The following FOCAD variants were observed in gnomAD, a reference collection of about 807,000 sequenced individuals.
The protein encoded by FOCAD is focadhesin.
A neutral mutation model predicts 225.6 loss-of-function variants in FOCAD; 198 were observed. The ratio of observed to expected loss-of-function variants is 0.88; its 90% CI spans 0.78 to 0.99. The LOEUF (loss-of-function observed/expected upper bound fraction) is 0.99, where lower values mean the gene tolerates loss of function less well. Among genes scored for constraint, FOCAD ranks in the 50% least tolerant of loss-of-function variants. FOCAD has a pLI of 0.00. For synonymous variants in FOCAD, 897 were observed against 755.0 expected (o/e 1.19, Z -3.08); for missense variants, 2,713 against 2,123.6 (o/e 1.28, Z -5.46).
In FOCAD at chr9:20,893,651, A is replaced by C. The variant is rs530041145; in HGVS notation, c.2625+8421A>C. Reference sequence around the variant, plus strand: ...AGTGAGCGAGTGAATAAATGGCTAAAAGAACTTTATTTTGAATTTAGATGT... The same window carrying C: ...AGTGAGCGAGTGAATAAATGGCTAACAGAACTTTATTTTGAATTTAGATGT... On this transcript the variant is annotated intron_variant, in intron 21 of 43. Coordinates refer to ENST00000338382, the MANE Select transcript of FOCAD (RefSeq NM_001375567.1). Among the ~76,000 whole-genome samples, 6 of 152,236 alleles carry C rather than the reference A, an allele frequency of 3.9e-5. No homozygotes were observed. The East Asian group carries it at 1.2e-3, about 29-fold the overall frequency.
rs1307334345 is a variant in FOCAD at position 20,795,776 on chromosome 9, T to C, written c.1455+6168T>C. Reference sequence around the variant, plus strand: ...TCCAGGCTGGGGGACAGAGCAAGACTCTGTCTCGAAAAAAAAAAAAAAAAA... The same window carrying C: ...TCCAGGCTGGGGGACAGAGCAAGACCCTGTCTCGAAAAAAAAAAAAAAAAA... On this transcript the variant is annotated intron_variant, in intron 11 of 43. Transcript: ENST00000338382. Among the ~76,000 whole-genome samples, 11 of 87,310 alleles carry C rather than the reference T, an allele frequency of 1.3e-4. 1 individual carries two copies. In the South Asian group the frequency reaches 1.5e-3, roughly 12 times the overall value. 57.3% of individuals were successfully genotyped at this position (87,310 alleles called of 152,430 possible).
chr9:20,784,476 C>G (rs781590201), intron 10 of FOCAD, among the ~76,000 whole-genome samples: 1 of 152,008 alleles, frequency 6.6e-6, no homozygotes, highest in Non-Finnish European at 1.5e-5. Flanking sequence ...AAGAAAGAAT[C>G]GGAAAAGTTT....
chr9:20,705,741 C>G (rs1044783116), intron 1 of FOCAD, among the ~76,000 whole-genome samples: 2 of 150,560 alleles, frequency 1.3e-5, no homozygotes, highest in African/African-American at 4.9e-5. Context: ...AAAAAGTCAA[C>G]TTTGAAGATT....
chr9:20,716,597 A>G (rs188440378), intron 2 of FOCAD, among the ~76,000 whole-genome samples: 1 of 152,082 alleles, frequency 6.6e-6, no homozygotes, highest in African/African-American at 2.4e-5. Flanking sequence ...CTTTGTCCCT[A>G]TTGTGTTTCA....
intron 23 of FOCAD, among the ~76,000 whole-genome samples, chr9:20,915,154 G>T (rs1017580594): frequency 6.6e-6 from 1 of 152,150 alleles, no homozygotes; most frequent in African/African-American, 2.4e-5. Context: ...TAGCAAGCAG[G>T]TTGTTGACTA....
intron 15 of FOCAD, among the ~76,000 whole-genome samples, chr9:20,861,562 C>T (rs1828773197): frequency 6.6e-6 from 1 of 152,146 alleles, no homozygotes; most frequent in South Asian, 2.1e-4. Flanking sequence ...CAAGTTTTCT[C>T]AGAAATACTC....
intron 21 of FOCAD, among the ~76,000 whole-genome samples, chr9:20,895,648 G>T (rs1208999667): frequency 1.3e-5 from 2 of 151,738 alleles, no homozygotes; most frequent in African/African-American, 4.8e-5. Flanking sequence ...AAACGCTATT[G>T]TGTTTTTAAT....
At position 20,923,657 on chromosome 9, in the gene FOCAD, C is replaced by G. The variant is rs747025422; in HGVS notation, c.2853-3C>G. On this transcript the variant is annotated splice_polypyrimidine_tract_variant and splice_region_variant and intron_variant, in intron 24 of 43. Coordinates refer to ENST00000338382, the MANE Select transcript of FOCAD (RefSeq NM_001375567.1). ...CTGTTGAAATTTTTTTCCTTTTGAA[C>G]AGGGAGAGTCCGGTAGTGAAAGGCA... is the stretch of plus-strand genomic sequence containing the variant. 3 of 1,612,574 alleles carry G rather than the reference C, an allele frequency of 1.9e-6. No homozygotes were observed. Among genetic ancestry groups the G allele is most frequent in the Non-Finnish European group, 2.5e-6 (3 of 1,178,996 alleles).
Position 20,819,864 on chromosome 9 carries a change from T to A in FOCAD, c.1524T>A (p.Asp508Glu). ...GRPLEPILYN[D>E]ILYTLPKLGV... ...CACTGGAACCTATATTATATAATGA[T>A]ATATTGTATACTTTACCTAAGCTTG... is the stretch of plus-strand genomic sequence containing the variant. Residue 508 changes from aspartate to glutamate, a missense_variant, in exon 12 of 44, where the codon GAT (aspartate) becomes GAA (glutamate). Physicochemically the swap from Asp to Glu is conservative, Grantham distance 45 (BLOSUM62 2). Coordinates refer to ENST00000338382, the MANE Select transcript of FOCAD (RefSeq NM_001375567.1). The A allele has an allele frequency of 6.5e-7, 1 of 1,548,790 alleles. No homozygotes were observed. The highest frequency in any genetic ancestry group is 8.7e-7 in the Non-Finnish European group (1 of 1,149,846).
At chr9:20,798,755 T>C (rs1821430100) in intron 11 of FOCAD, among the ~76,000 whole-genome samples, 1 of 152,190 alleles carries the variant, frequency 6.6e-6, no homozygotes, top group Non-Finnish European at 1.5e-5. Context: ...TTTATTAATC[T>C]TGCTAGTGGT....
At chr9:20,985,305 A>G (rs946955088) in intron 39 of FOCAD, among the ~76,000 whole-genome samples, 1 of 152,236 alleles carries the variant, frequency 6.6e-6, no homozygotes, top group Non-Finnish European at 1.5e-5. Flanking sequence ...AATGTTGACA[A>G]TATAAAATAA....
At chr9:20,715,553 T>G in intron 2 of FOCAD, 143 bp downstream of exon 2, 1 of 353,862 alleles carries the variant, frequency 2.8e-6, no homozygotes, top group Non-Finnish European at 4.8e-6. Context: ...AAATATACAT[T>G]TAATTTGAAA....
intron 15 of FOCAD, among the ~76,000 whole-genome samples, chr9:20,851,223 T>C (rs1285483631): frequency 1.3e-5 from 2 of 151,086 alleles, no homozygotes; most frequent in Non-Finnish European, 1.5e-5. Context: ...TTTTTTTTTT[T>C]CGTGGGGTGG....
At chr9:20,948,442 G>A (rs1396544919) in intron 31 of FOCAD, 49 bp downstream of exon 31, 10 of 1,587,054 alleles carry the variant, frequency 6.3e-6, no homozygotes, top group Non-Finnish European at 7.7e-6. Context: ...AATGGAAAAA[G>A]AACTACTTTA....
chr9:20,685,817 T>C (rs1464020417), intron 1 of FOCAD, among the ~76,000 whole-genome samples: 2 of 152,218 alleles, frequency 1.3e-5, no homozygotes, highest in Non-Finnish European at 2.9e-5. Flanking sequence ...AACTGATTGT[T>C]GTCTCCAGTT....
intron 3 of FOCAD, 66 bp downstream of exon 3, chr9:20,717,934 C>T (rs1036731679): frequency 4.0e-6 from 5 of 1,234,954 alleles, no homozygotes; most frequent in Non-Finnish European, 5.9e-6. Flanking sequence ...ATCACATATG[C>T]ACCTGTCTTG....
At chr9:20,850,662 T>G (rs910946900) in intron 15 of FOCAD, among the ~76,000 whole-genome samples, 1 of 151,720 alleles carries the variant, frequency 6.6e-6, no homozygotes, top group African/African-American at 2.4e-5. Context: ...TCAGTTATGC[T>G]TTAAACTTGA....
At chr9:20,737,539 A>G (rs1827247514) in intron 4 of FOCAD, among the ~76,000 whole-genome samples, 1 of 152,354 alleles carries the variant, frequency 6.6e-6, no homozygotes, top group South Asian at 2.1e-4. Flanking sequence ...TGGTATATAA[A>G]TAGCTTAAAT....
At chr9:20,768,197 G>A (rs1206006980) in intron 7 of FOCAD, among the ~76,000 whole-genome samples, 2 of 148,200 alleles carry the variant, frequency 1.3e-5, no homozygotes, top group African/African-American at 5.0e-5. Flanking sequence ...CTCTGTTTTG[G>A]TACCAGTACC....
Sources: allele counts gnomAD v4.1 joint callset (sites outside exome capture counted in the v4.1 genomes callset), GRCh38; gene constraint gnomAD v4.1.1; transcripts MANE v1.5; gene names NCBI Gene and HGNC (gene_info 2026-07-23, HGNC 2026-07-21).